The following SGCZ variants were observed in gnomAD, a reference collection of about 807,000 sequenced individuals.
SGCZ encodes the protein sarcoglycan zeta.
A neutral mutation model predicts 41.3 loss-of-function variants in SGCZ; 40 were observed. The observed-to-expected ratio is 0.97, with a 90% CI of 0.75 to 1.26. The LOEUF is 1.26. Ranked by LOEUF, SGCZ falls within the 50% of genes most tolerant of loss-of-function variation. The probability of loss-of-function intolerance (pLI) is 0.00; values close to 1 mark genes in which losing one functional copy is unlikely to be tolerated. For missense variants in SGCZ, 552 were observed against 369.8 expected (o/e 1.49, Z -4.04); for synonymous variants, 206 against 137.5 (o/e 1.50, Z -3.49).
chr8:14,116,687 T>C (rs1563136060), intron 5 of SGCZ, among the ~76,000 whole-genome samples: 2 of 152,110 alleles, frequency 1.3e-5, no homozygotes, highest in African/African-American at 2.4e-5. Flanking sequence ...TTGATTTTTA[T>C]TTTATCACTT....
At chr8:14,436,288 G>C (rs1800089100) in intron 2 of SGCZ, among the ~76,000 whole-genome samples, 1 of 152,200 alleles carries the variant, frequency 6.6e-6, no homozygotes, top group Non-Finnish European at 1.5e-5. Context: ...GGAGAGGACA[G>C]ATCTGTAAGA....
intron 5 of SGCZ, among the ~76,000 whole-genome samples, chr8:14,142,502 T>C (rs918529155): frequency 2.0e-5 from 3 of 152,172 alleles, no homozygotes; most frequent in Non-Finnish European, 4.4e-5. Context: ...AGGCACTTTA[T>C]GTATTTCCTT....
At chr8:14,362,546 G>A (rs558104804) in intron 2 of SGCZ, among the ~76,000 whole-genome samples, 3 of 152,180 alleles carry the variant, frequency 2.0e-5, no homozygotes, top group Non-Finnish European at 4.4e-5. Context: ...CGAAGACTGT[G>A]GGAAAAGCGC....
At chr8:14,810,333 C>A (rs1256469465) in intron 1 of SGCZ, among the ~76,000 whole-genome samples, 3 of 151,888 alleles carry the variant, frequency 2.0e-5, no homozygotes, top group Admixed American at 6.6e-5. Flanking sequence ...ATATTTGAAG[C>A]AATGAGAAAG....
At chr8:14,109,591 T>A (rs1257534276) in intron 5 of SGCZ, among the ~76,000 whole-genome samples, 1 of 152,246 alleles carries the variant, frequency 6.6e-6, no homozygotes, top group African/African-American at 2.4e-5. Flanking sequence ...AACAAATCTG[T>A]TTTTGTCTAA....
chr8:14,146,890 A>AAAAAAAAAAAAAAAATAAT (rs1182329393), intron 5 of SGCZ, among the ~76,000 whole-genome samples: 13 of 116,214 alleles, frequency 1.1e-4, no homozygotes, highest in African/African-American at 4.3e-4. Context: ...AAAATAAAAA[A>AAAAAAAAAAAAAAAATAAT]AATAATAATA....
intron 2 of SGCZ, among the ~76,000 whole-genome samples, chr8:14,337,709 T>C (rs1038086694): frequency 6.6e-6 from 1 of 152,090 alleles, no homozygotes; most frequent in African/African-American, 2.4e-5. Context: ...ACAGAGGACA[T>C]GCCAATTATC....
At chr8:14,395,320 G>T (rs1225882333) in intron 2 of SGCZ, among the ~76,000 whole-genome samples, 1 of 152,108 alleles carries the variant, frequency 6.6e-6, no homozygotes, top group African/African-American at 2.4e-5. Flanking sequence ...TAAAAGAGTA[G>T]GATTCTGAAA....
Position 14,981,024 on chromosome 8 carries a change from C to T in SGCZ, c.39+256561G>A, listed in dbSNP as rs145052858. Reference sequence around the variant, plus strand: ...TGCCTTGACACAATTCACCAAAAATCGGACTGCCCTACTAAATCTTAATTA... The same window carrying T: ...TGCCTTGACACAATTCACCAAAAATTGGACTGCCCTACTAAATCTTAATTA... On this transcript the variant is annotated intron_variant, in intron 1 of 7. Coordinates refer to ENST00000382080, the MANE Select transcript of SGCZ (RefSeq NM_139167.4). Among the ~76,000 whole-genome samples, 18 of 152,252 alleles carry T rather than the reference C, an allele frequency of 1.2e-4. No individual in the cohort carries two copies. The East Asian group carries it at 2.3e-3, about 20-fold the overall frequency.
intron 1 of SGCZ, among the ~76,000 whole-genome samples, chr8:14,648,411 C>T (rs1485376828): frequency 6.6e-6 from 1 of 151,978 alleles, no homozygotes; most frequent in Admixed American, 6.6e-5. Context: ...AGTCATTTCT[C>T]TTTATTTGGA....
chr8:14,962,100 AAAG>A (rs1259528724), intron 1 of SGCZ, among the ~76,000 whole-genome samples: 2 of 152,180 alleles, frequency 1.3e-5, no homozygotes, highest in Non-Finnish European at 2.9e-5. Context: ...GATAAAAAGG[AAAG>A]AAGTTTTGTC....
intron 1 of SGCZ, among the ~76,000 whole-genome samples, chr8:15,234,918 T>G (rs187502146): frequency 6.6e-6 from 1 of 152,310 alleles, no homozygotes; most frequent in Admixed American, 6.5e-5. Context: ...ATTTTTATAC[T>G]TTTATGCACA....
At chr8:15,124,930 A>G (rs1437817726) in intron 1 of SGCZ, among the ~76,000 whole-genome samples, 1 of 152,212 alleles carries the variant, frequency 6.6e-6, no homozygotes, top group African/African-American at 2.4e-5. Context: ...ATATGATAAT[A>G]CATTATGGCT....
intron 1 of SGCZ, among the ~76,000 whole-genome samples, chr8:14,874,863 T>A (rs1019643342): frequency 6.6e-6 from 1 of 152,130 alleles, no homozygotes; most frequent in African/African-American, 2.4e-5. Context: ...TCAAGCAGTA[T>A]CCCACAATGC....
At chr8:14,693,756 A>G (rs28694744) in intron 1 of SGCZ, among the ~76,000 whole-genome samples, 3,157 of 150,690 alleles carry the variant, frequency 0.021, 104 homozygotes, top group African/African-American at 0.073. Context: ...ACTCCCAGCT[A>G]ATTTTTTGTA....
rs532224056 is a variant in SGCZ at position 14,403,970 on chromosome 8, C to T, written c.235-79766G>A. Among the ~76,000 whole-genome samples the T allele has an allele frequency of 2.8e-4, 43 of 152,090 alleles. No individual in the cohort carries two copies. In the East Asian group the frequency reaches 4.1e-3, roughly 14 times the overall value. On this transcript the variant is annotated intron_variant, in intron 2 of 7. Coordinates refer to ENST00000382080, the MANE Select transcript of SGCZ (RefSeq NM_139167.4). ...GAAGGAAGAGAAATGAGTATTTCAG[C>T]TCCTAAATAGAAACCATGTATAAAG...
In SGCZ at chr8:14,544,976, C is replaced by G. The variant is rs576381156; in HGVS notation, c.234+9756G>C. 2.0e-5 allele frequency among the ~76,000 whole-genome samples: 3 copies of G among 152,242 alleles called. No individual in the cohort carries two copies. In the East Asian group the frequency reaches 5.8e-4, roughly 29 times the overall value. On this transcript the variant is annotated intron_variant, in intron 2 of 7. Transcript: ENST00000382080. ...TACTCCCCGTTCTTACACCCTCTTC[C>G]CTTTTGAAACCTTTAATAAAAACTT... is the stretch of plus-strand genomic sequence containing the variant.
intron 1 of SGCZ, among the ~76,000 whole-genome samples, chr8:14,942,789 A>G (rs1269243641): frequency 6.6e-6 from 1 of 152,040 alleles, no homozygotes; most frequent in Non-Finnish European, 1.5e-5. Flanking sequence ...AGGTGCTTTG[A>G]TATCTATATA....
rs139576931 is a variant in SGCZ at position 14,783,149 on chromosome 8, T to C, written c.40-228223A>G. ...TTCCAAGAGATAGAAAGTAAAAGTA[T>C]ATGGCCGGGCACGGTGGCTCACGCA... On this transcript the variant is annotated intron_variant, in intron 1 of 7. Transcript: ENST00000382080. 5.2e-3 allele frequency among the ~76,000 whole-genome samples: 796 copies of C among 152,198 alleles called. 7 individuals are homozygous for C. The highest frequency in any genetic ancestry group is 0.019 in the African/African-American group (773 of 41,568).
Sources: allele counts gnomAD v4.1 joint callset (sites outside exome capture counted in the v4.1 genomes callset), GRCh38; gene constraint gnomAD v4.1.1; transcripts MANE v1.5; gene names NCBI Gene and HGNC (gene_info 2026-07-23, HGNC 2026-07-21).